Variants in LTF observed in about 807,000 individuals in gnomAD.
The protein encoded by LTF is epididymis luminal protein 110.
A neutral mutation model predicts 87.2 loss-of-function variants in LTF; 91 were observed. The observed-to-expected ratio is 1.04, with a 90% confidence interval of 0.88 to 1.24. The LOEUF is 1.24. Among genes scored for constraint, LTF ranks in the 50% most tolerant of loss-of-function variants. LTF has a pLI of 0.00. For missense variants in LTF, 901 were observed against 904.3 expected (o/e 1.00, Z 0.05); for synonymous variants, 378 against 356.1 (o/e 1.06, Z -0.69).
intron 2 of LTF, among the ~76,000 whole-genome samples, chr3:46,459,346 T>C (rs1703018312): frequency 6.6e-6 from 1 of 152,236 alleles, no homozygotes; most frequent in Admixed American, 6.5e-5. Flanking sequence ...TAACTTTGCT[T>C]TTTGCTGATC....
intron 6 of LTF, chr3:46,454,071 G>T: frequency 1.8e-6 from 1 of 544,664 alleles, no homozygotes; most frequent in Non-Finnish European, 3.3e-6. Context: ...AGGACGCATT[G>T]CCAAGCACCT....
intron 12 of LTF, 44 bp from the exon 13 acceptor site, chr3:46,443,626 C>T (rs1296805622): frequency 6.2e-7 from 1 of 1,608,832 alleles, no homozygotes; most frequent in African/African-American, 1.3e-5. Context: ...AAACCTGAGT[C>T]CACACAAGCA....
chr3:46,461,552 T>A (rs763213809), intron 1 of LTF, among the ~76,000 whole-genome samples: 13 of 152,224 alleles, frequency 8.5e-5, no homozygotes, highest in Non-Finnish European at 1.9e-4. Context: ...GCTGTATGAT[T>A]CCATTTGAAT....
At chr3:46,442,737 T>A (rs1240324182) in intron 13 of LTF, among the ~76,000 whole-genome samples, 1 of 152,202 alleles carries the variant, frequency 6.6e-6, no homozygotes, top group African/African-American at 2.4e-5. Flanking sequence ...ATTAAAAAGT[T>A]CAGACACCCT....
chr3:46,446,338 C>G, intron 11 of LTF, 102 bp downstream of exon 11: 1 of 893,008 alleles, frequency 1.1e-6, no homozygotes. Flanking sequence ...CCTATAGCTT[C>G]TAGGGCTGCA....
At position 46,449,993 on chromosome 3, in the gene LTF, C is replaced by A; in HGVS notation, c.918G>T (p.Gln306His). The A allele has an allele frequency of 6.2e-7, 1 of 1,609,052 alleles. No individual in the cohort carries two copies. Among genetic ancestry groups the A allele is most frequent in the South Asian group, 1.1e-5 (1 of 90,190 alleles). Reference protein sequence around the residue: ...KFGKDKSPKFQLFGSPSGQKD... With the variant: ...KFGKDKSPKFHLFGSPSGQKD... ...TCTGCCCACTAGGGGAGCCAAAGAG[C>A]TGGAATTTCGGTGACTTGTCCTTTC... The change falls in exon 8 of 17, where the codon CAG becomes CAT. Residue 306 changes from glutamine (Q) to histidine (H), a missense_variant. Transcript: ENST00000231751.
At chr3:46,481,697 G>T (rs1463249595) in intron 1 of LTF, among the ~76,000 whole-genome samples, 1 of 152,220 alleles carries the variant, frequency 6.6e-6, no homozygotes. Context: ...GTTGCAGGGA[G>T]CCGAGATTGT....
Position 46,455,322 on chromosome 3 carries a change from G to T in LTF, c.620C>A (p.Pro207Gln), listed in dbSNP as rs567015734. 1 of 1,614,224 alleles carries T rather than the reference G, an allele frequency of 6.2e-7. No individual in the cohort carries two copies. The highest frequency in any genetic ancestry group is 8.5e-7 in the Non-Finnish European group (1 of 1,180,044). Residue 207 changes from proline to glutamine, a missense_variant, in exon 5 of 17, where the codon CCG (proline) becomes CAG (glutamine). Coordinates refer to ENST00000231751, the MANE Select transcript of LTF (RefSeq NM_002343.6). ...GAAGGCACCAGAGTAGCTGAAGTAC[G>T]GTTCCTGGGAGGAGAAGGCACATTT... ...ENKCAFSSQEPYFSYSGAFKC... is the reference protein window; with the variant it reads ...ENKCAFSSQEQYFSYSGAFKC...
intron 1 of LTF, among the ~76,000 whole-genome samples, chr3:46,476,825 AT>A (rs1703365117): frequency 6.6e-6 from 1 of 152,216 alleles, no homozygotes; most frequent in African/African-American, 2.4e-5. Flanking sequence ...TCTGTTTAAA[AT>A]TTTGTTTATT....
At chr3:46,439,548 G>C (rs1013427759) in intron 14 of LTF, 68 bp from the exon 15 acceptor site, 3 of 1,420,942 alleles carry the variant, frequency 2.1e-6, no homozygotes, top group African/African-American at 1.4e-5. Context: ...CTTCTGGGTG[G>C]GTGTGGCCAT....
At chr3:46,440,410 A>G (rs1267786238) in intron 14 of LTF, among the ~76,000 whole-genome samples, 1 of 152,224 alleles carries the variant, frequency 6.6e-6, no homozygotes, top group Non-Finnish European at 1.5e-5. Flanking sequence ...GTTGTAAAGT[A>G]CCGGAGAAAG....
chr3:46,470,055 G>C (rs967101500), intron 2 of LTF, among the ~76,000 whole-genome samples: 6 of 152,284 alleles, frequency 3.9e-5, no homozygotes, highest in African/African-American at 1.4e-4. Flanking sequence ...CTTCTCCAAA[G>C]ACCTGCTGAG....
chr3:46,441,523 G>T lies in LTF; in HGVS notation c.1656-40C>A, dbSNP rs149953025. 1,038 of 1,406,242 alleles carry T rather than the reference G, an allele frequency of 7.4e-4. 3 individuals are homozygous for T. The highest frequency in any genetic ancestry group is 9.5e-4 in the Non-Finnish European group (944 of 997,044). 87.1% of individuals were successfully genotyped at this position (1,406,242 alleles called of 1,614,324 possible). On this transcript the variant is annotated intron_variant, in intron 13 of 16. Transcript: ENST00000231751. ...AAAATATACACATAATTACAGAAGA[G>T]AAACTAGTGGGGCTTTCATAAATAT...
At chr3:46,464,926 G>C, upstream of LTF, 1 of 1,562,792 alleles carries the variant, frequency 6.4e-7, no homozygotes, top group Non-Finnish European at 8.8e-7. Context: ...CCTGCCCTGC[G>C]CCCCTTTATT....
At chr3:46,460,187 G>GT (rs1462782109) in intron 1 of LTF, among the ~76,000 whole-genome samples, 2 of 152,212 alleles carry the variant, frequency 1.3e-5, no homozygotes, top group Non-Finnish European at 2.9e-5. Flanking sequence ...CAGGAAAGGA[G>GT]TCATTGCTCC....
At position 46,439,793 on chromosome 3, in the gene LTF, T is replaced by C. The variant is rs866750024; in HGVS notation, c.1724-313A>G. ...AAGCCAGTCACAAAAGACCACACAA[T>C]AGGCTGGGCACGGTGGCTCATGCCT... On this transcript the variant is annotated intron_variant, in intron 14 of 16. Transcript: ENST00000231751. Among the ~76,000 whole-genome samples, 12 of 152,028 alleles carry C rather than the reference T, an allele frequency of 7.9e-5. 1 individual carries two copies. Among genetic ancestry groups the C allele is most frequent in the Non-Finnish European group, 1.0e-4 (7 of 67,988 alleles).
chr3:46,473,269 C>T (rs1703317976), intron 1 of LTF, among the ~76,000 whole-genome samples: 1 of 152,190 alleles, frequency 6.6e-6, no homozygotes, highest in Non-Finnish European at 1.5e-5. Flanking sequence ...TCTCCTTCCT[C>T]CTTTGGATTA....
intron 12 of LTF, among the ~76,000 whole-genome samples, chr3:46,444,025 G>A (rs1441537734): frequency 1.3e-5 from 2 of 152,236 alleles, no homozygotes; most frequent in Non-Finnish European, 2.9e-5. Flanking sequence ...GGCTCATATG[G>A]CCATATGGGT....
At chr3:46,454,448 A>G (rs1189593725) in intron 5 of LTF, 88 bp from the exon 6 acceptor site, 24 of 1,133,152 alleles carry the variant, frequency 2.1e-5, no homozygotes, top group African/African-American at 6.1e-5. Flanking sequence ...CTCAGCATCT[A>G]TGGGTTTCTA....
Sources: allele counts gnomAD v4.1 joint callset (sites outside exome capture counted in the v4.1 genomes callset), GRCh38; gene constraint gnomAD v4.1.1; transcripts MANE v1.5; gene names NCBI Gene and HGNC (gene_info 2026-07-23, HGNC 2026-07-21).